Variants in USP25 observed in about 807,000 individuals in gnomAD.
USP25 encodes the protein ubiquitin specific peptidase 25.
Under a neutral mutation model 158.5 loss-of-function variants are expected in USP25, and 85 were observed. The ratio of observed to expected loss-of-function variants is 0.54; its 90% confidence interval spans 0.45 to 0.64. The LOEUF is 0.64. Ranked by LOEUF, USP25 falls within the 30% of genes least tolerant of loss-of-function variation. The pLI is 0.00. For missense variants in USP25, 1,242 were observed against 1,327.3 expected (o/e 0.94, Z 1.00); for synonymous variants, 464 against 460.4 (o/e 1.01, Z -0.10).
chr21:15,871,810 T>C (rs1387775356), intron 23 of USP25, among the ~76,000 whole-genome samples: 1 of 151,926 alleles, frequency 6.6e-6, no homozygotes, highest in Non-Finnish European at 1.5e-5. Flanking sequence ...AAATCAATAA[T>C]GGTGACAGAT....
chr21:15,783,118 A>G (rs1266817195), intron 4 of USP25, among the ~76,000 whole-genome samples: 8 of 152,254 alleles, frequency 5.3e-5, no homozygotes, highest in South Asian at 4.1e-4. Context: ...AAAAAATACA[A>G]TTGAGAGCCA....
At chr21:15,732,857 G>A (rs1461889935) in intron 1 of USP25, among the ~76,000 whole-genome samples, 1 of 152,124 alleles carries the variant, frequency 6.6e-6, no homozygotes, top group Non-Finnish European at 1.5e-5. Context: ...GCAAGAGGCT[G>A]CCTTTCCCTT....
At chr21:15,741,125 A>G (rs2032011901) in intron 1 of USP25, among the ~76,000 whole-genome samples, 2 of 141,710 alleles carry the variant, frequency 1.4e-5, no homozygotes, top group Non-Finnish European at 3.0e-5. Flanking sequence ...CGATTTGTTT[A>G]TACCAAATTT....
rs573372980 is a variant in USP25, at chr21:15,762,165, G to A, written c.46-726G>A. Among the ~76,000 whole-genome samples, 21 of 124,972 alleles carry A rather than the reference G, an allele frequency of 1.7e-4. No homozygotes were observed. The South Asian group carries it at 4.8e-3, about 28-fold the overall frequency. 82.0% of individuals were successfully genotyped at this position (124,972 alleles called of 152,430 possible). A position where few individuals can be genotyped will look rare whatever the true frequency, so the allele number is the denominator to read the frequency against. On this transcript the variant is annotated intron_variant, in intron 1 of 25. Transcript: ENST00000400183. ...TCAATAGATCCTATTCTATTGACTA[G>A]GTTTGCTTTTCCTATCATATCCATT... is the stretch of plus-strand genomic sequence containing the variant.
intron 1 of USP25, among the ~76,000 whole-genome samples, chr21:15,761,442 C>T (rs112269241): frequency 2.2e-4 from 33 of 152,260 alleles, no homozygotes; most frequent in Non-Finnish European, 4.4e-4. Flanking sequence ...GATAGAAACA[C>T]CTGAAACTGG....
At chr21:15,780,311 T>TA (rs1170246283) in intron 4 of USP25, among the ~76,000 whole-genome samples, 1 of 152,228 alleles carries the variant, frequency 6.6e-6, no homozygotes, top group Admixed American at 6.5e-5. Flanking sequence ...CGTTTCATGC[T>TA]AAAATTTTTT....
rs2037490168 is a variant in USP25 at position 15,826,136 on chromosome 21, A to G, written c.1305-68A>G. 1 of 1,454,084 alleles carries G rather than the reference A, an allele frequency of 6.9e-7. No individual in the cohort carries two copies. The highest frequency in any genetic ancestry group is 9.3e-7 in the Non-Finnish European group (1 of 1,074,192). 90.1% of individuals were successfully genotyped at this position (1,454,084 alleles called of 1,614,324 possible). On this transcript the variant is annotated intron_variant, in intron 12 of 25. Transcript: ENST00000400183. The surrounding 1 kb of genome is among the most constrained non-coding windows in gnomAD (Gnocchi z 4.8). The stretch of plus-strand genomic sequence containing the variant: ...ATTGAAGTATCGTATCACGTTTTAT[A>G]ATAATAATAAAGGCCCAAATATGCT...
intron 1 of USP25, 98 bp downstream of exon 1, chr21:15,730,536 T>G: frequency 2.4e-6 from 3 of 1,231,694 alleles, no homozygotes; most frequent in Non-Finnish European, 2.0e-6. Context: ...GCCGCCGCCT[T>G]CCCGGGCTTC....
At position 15,828,502 on chromosome 21, in the gene USP25, C is replaced by T. The variant is rs1379677602; in HGVS notation, c.1693+1299C>T. Among the ~76,000 whole-genome samples the T allele has an allele frequency of 2.0e-5, 3 of 152,052 alleles. 1 individual carries two copies. In the East Asian group the frequency reaches 5.8e-4, roughly 29 times the overall value. On this transcript the variant is annotated intron_variant, in intron 14 of 25. Coordinates refer to ENST00000400183, the MANE Select transcript of USP25 (RefSeq NM_001283041.3). Reference sequence around the variant, plus strand: ...CTAGAGGTAAGAGAGAGGGACGAATCGAATGATTCTCTCAGTTCATAATGG... The same window carrying T: ...CTAGAGGTAAGAGAGAGGGACGAATTGAATGATTCTCTCAGTTCATAATGG...
chr21:15,793,387 A>G (rs2035695391), intron 5 of USP25, among the ~76,000 whole-genome samples: 2 of 151,052 alleles, frequency 1.3e-5, no homozygotes, highest in South Asian at 4.2e-4. Flanking sequence ...ATCTTGATAC[A>G]GTTACAATCT....
chr21:15,848,744 G>A (rs7278699), intron 19 of USP25, among the ~76,000 whole-genome samples: 11,476 of 152,048 alleles, frequency 0.075, 1,427 homozygotes, highest in African/African-American at 0.26. Flanking sequence ...GAAATCACAC[G>A]CCATAAAGAG....
chr21:15,848,991 CAAAA>C (rs141332760), intron 19 of USP25, among the ~76,000 whole-genome samples: 1 of 144,862 alleles, frequency 6.9e-6, no homozygotes, highest in Admixed American at 6.7e-5. Flanking sequence ...ATTATGAAAA[CAAAA>C]AAAATGCTTA....
intron 22 of USP25, among the ~76,000 whole-genome samples, chr21:15,868,346 T>C (rs926685455): frequency 1.3e-5 from 2 of 152,174 alleles, no homozygotes; most frequent in Admixed American, 6.5e-5. Flanking sequence ...TTTTAGCTAA[T>C]AATGACTCCA....
intron 21 of USP25, among the ~76,000 whole-genome samples, chr21:15,865,803 T>A (rs2039631313): frequency 6.6e-6 from 1 of 152,118 alleles, no homozygotes; most frequent in African/African-American, 2.4e-5. Flanking sequence ...TCGTGAGGAT[T>A]TCTTTATCAC....
At chr21:15,823,963 C>A in intron 10 of USP25, 76 bp from the exon 11 acceptor site, 2 of 1,430,756 alleles carry the variant, frequency 1.4e-6, no homozygotes, top group Non-Finnish European at 9.6e-7. Context: ...TCAGTGCCCA[C>A]ATCCTGTGCC....
At chr21:15,798,295 T>A (rs541623100) in intron 5 of USP25, among the ~76,000 whole-genome samples, 1 of 151,354 alleles carries the variant, frequency 6.6e-6, no homozygotes, top group Non-Finnish European at 1.5e-5. Context: ...CTTTGTATCT[T>A]TATTGAGAGT....
chr21:15,853,909 T>A (rs2039011222), intron 20 of USP25, among the ~76,000 whole-genome samples: 1 of 152,096 alleles, frequency 6.6e-6, no homozygotes, highest in African/African-American at 2.4e-5. Context: ...TTTTAACACA[T>A]TTTTTTGGTT....
chr21:15,819,356 A>G (rs903887562), intron 10 of USP25, among the ~76,000 whole-genome samples: 2 of 152,148 alleles, frequency 1.3e-5, no homozygotes, highest in Non-Finnish European at 2.9e-5. Flanking sequence ...GTCTACCTCA[A>G]CTAGTTTCTT....
Position 15,811,181 on chromosome 21 carries a change from G to A in USP25, c.902G>A (p.Gly301Asp). 6.2e-7 allele frequency: 1 copy of A among 1,613,064 alleles called. No homozygotes were observed. Among genetic ancestry groups the A allele is most frequent in the Non-Finnish European group, 8.5e-7 (1 of 1,179,570 alleles). The change falls in exon 9 of 26, where the codon GGC becomes GAC. Residue 301 changes from glycine to aspartate, a missense_variant. By Grantham distance (94) the Gly-to-Asp change is moderately conservative. Around this residue, in one of 3 missense-constraint regions of USP25, gnomAD observed 627 missense variants for 701.4 expected, o/e 0.89. Transcript: ENST00000400183. ...AACCCCATGGTAGAGTTGTTCTATG[G>A]CAGATTCCTGGCTGTGGGAGTACTT... is the stretch of plus-strand genomic sequence containing the variant. ...PKNPMVELFYGRFLAVGVLEG... is the reference protein window; with the variant it reads ...PKNPMVELFYDRFLAVGVLEG...
Sources: gnomAD v4.1 joint callset for allele counts (sites outside exome capture counted in the v4.1 genomes callset) on GRCh38, gnomAD v4.1.1 for gene constraint, gnomAD v4.1.1 regional missense constraint, Gnocchi (gnomAD v3.1) non-coding constraint, MANE v1.5 for transcripts, NCBI Gene and HGNC (gene_info 2026-07-23, HGNC 2026-07-21) for gene names.